The following RNF111 variants were observed in gnomAD, a reference collection of about 807,000 sequenced individuals.
RNF111 encodes ring finger protein 111, also known as E3 ubiquitin-protein ligase Arkadia.
RNF111 carries 17 observed loss-of-function variants against 95.1 expected under a neutral mutation model. The ratio of observed to expected loss-of-function variants is 0.18; its 90% CI spans 0.12 to 0.27. The LOEUF is 0.27. Among genes scored for constraint, RNF111 ranks in the 10% least tolerant of loss-of-function variants. The pLI is 1.00. For synonymous variants in RNF111, 440 were observed against 414.8 expected (o/e 1.06, Z -0.74); for missense variants, 1,189 against 1,210.4 (o/e 0.98, Z 0.26).
At chr15:59,027,415 T>C (rs1008627849) in intron 1 of RNF111, among the ~76,000 whole-genome samples, 2 of 152,220 alleles carry the variant, frequency 1.3e-5, no homozygotes, top group African/African-American at 2.4e-5. Context: ...AGGAGTTTTA[T>C]TGAGATTTTA....
intron 7 of RNF111, among the ~76,000 whole-genome samples, chr15:59,079,858 A>T (rs1381601438): frequency 6.6e-6 from 1 of 152,196 alleles, no homozygotes; most frequent in African/African-American, 2.4e-5. Flanking sequence ...TAGCACAGGA[A>T]TAATGACATG....
chr15:59,027,473 C>A (rs1191697946), intron 1 of RNF111, among the ~76,000 whole-genome samples: 1 of 151,896 alleles, frequency 6.6e-6, no homozygotes, highest in Non-Finnish European at 1.5e-5. Flanking sequence ...GCTGGCACCA[C>A]AATCAGTTGT....
At chr15:59,080,672 A>G (rs1358138968) in intron 7 of RNF111, among the ~76,000 whole-genome samples, 1 of 152,100 alleles carries the variant, frequency 6.6e-6, no homozygotes, top group Admixed American at 6.6e-5. Context: ...GGATTTTGTC[A>G]GTACATTTTG....
chr15:59,016,708 C>T (rs1331321871), intron 1 of RNF111, among the ~76,000 whole-genome samples: 1 of 152,164 alleles, frequency 6.6e-6, no homozygotes, highest in Non-Finnish European at 1.5e-5. Context: ...TTCTGTATAG[C>T]AGGGTTCCCC....
Position 59,095,984 on chromosome 15 carries a change from T to C in RNF111, c.*1084T>C, listed in dbSNP as rs534222109. The C allele has an allele frequency of 2.8e-5, 11 of 398,570 alleles. No homozygotes were observed. In the East Asian group the frequency reaches 3.9e-4, roughly 14 times the overall value. The allele number at this position is 398,570 out of a possible 1,614,324, so 24.7% of individuals were successfully genotyped here. A position where few individuals can be genotyped will look rare whatever the true frequency, so the allele number is the denominator to read the frequency against. On this transcript the variant is annotated 3_prime_UTR_variant, in exon 14 of 14. Coordinates refer to ENST00000348370, the MANE Select transcript of RNF111 (RefSeq NM_017610.8). ...ACATGTCTCTTGTTTTATTTCTCTC[T>C]AAACTTGAAAACAGTAAATCTGCAG...
At chr15:59,058,841 T>G (rs1225761469) in intron 5 of RNF111, among the ~76,000 whole-genome samples, 2 of 152,180 alleles carry the variant, frequency 1.3e-5, no homozygotes, top group Non-Finnish European at 2.9e-5. Flanking sequence ...TAAGTTGGAC[T>G]TCATCAAAAT....
At chr15:58,997,184 T>A (rs1472427727) in intron 1 of RNF111, among the ~76,000 whole-genome samples, 2 of 152,204 alleles carry the variant, frequency 1.3e-5, no homozygotes, top group Non-Finnish European at 2.9e-5. Flanking sequence ...CTTGCCATTC[T>A]TATCTTCCTA....
intron 1 of RNF111, among the ~76,000 whole-genome samples, chr15:59,016,449 T>C (rs1255063471): frequency 4.6e-5 from 7 of 152,186 alleles, no homozygotes; most frequent in African/African-American, 7.2e-5. Flanking sequence ...TGTAATTCTT[T>C]CCATCATCCT....
rs1232456543 is a variant in RNF111, at chr15:59,094,982, C to T, written c.*82C>T. ...GTCAACCAAAGATGGCATGACTTACCTGCGCAGATTTGGAAGCATTGAACT... is the reference window on the plus strand; with the variant it reads ...GTCAACCAAAGATGGCATGACTTACTTGCGCAGATTTGGAAGCATTGAACT... On this transcript the variant is annotated 3_prime_UTR_variant, in exon 14 of 14. Coordinates refer to ENST00000348370, the MANE Select transcript of RNF111 (RefSeq NM_017610.8). The T allele has an allele frequency of 3.5e-6, 3 of 845,242 alleles. No homozygotes were observed. Among genetic ancestry groups the T allele is most frequent in the Non-Finnish European group, 6.2e-6 (3 of 486,806 alleles). The allele number at this position is 845,242 out of a possible 1,614,324, so 52.4% of individuals were successfully genotyped here.
chr15:59,050,330 A>G (rs1219604032), intron 2 of RNF111: 3 of 152,470 alleles, frequency 2.0e-5, no homozygotes, highest in Non-Finnish European at 2.9e-5. Context: ...CATGTTTTCC[A>G]AAAGCCCTAG....
At chr15:59,024,652 A>C (rs1357333646) in intron 1 of RNF111, among the ~76,000 whole-genome samples, 15 of 152,236 alleles carry the variant, frequency 9.9e-5, no homozygotes, top group African/African-American at 3.4e-4. Flanking sequence ...AATGTTTTAT[A>C]ACAATATCTC....
chr15:59,055,826 C>T lies in RNF111; in HGVS notation c.1152C>T (p.Asp384=), dbSNP rs1260970399. 6.2e-7 allele frequency: 1 copy of T among 1,610,568 alleles called. No individual in the cohort carries two copies. Among genetic ancestry groups the T allele is most frequent in the East Asian group, 2.2e-5 (1 of 44,812 alleles). ...PLRQNAAEVV[D]LTVDEDEPTV... ...GGCAGAATGCAGCAGAAGTTGTGGA[C>T]CTTACCGTTGATGAAGATGGTAAAT... is the stretch of plus-strand genomic sequence containing the variant. The change falls in exon 4 of 14, where the codon GAC becomes GAT. Residue 384 remains aspartate (D), a synonymous_variant. Coordinates refer to ENST00000348370, the MANE Select transcript of RNF111 (RefSeq NM_017610.8).
chr15:59,040,972 G>C (rs1412608291), intron 2 of RNF111, among the ~76,000 whole-genome samples: 4 of 151,958 alleles, frequency 2.6e-5, no homozygotes, highest in African/African-American at 9.7e-5. Context: ...TTTAGTTTTG[G>C]TTAACTCTTT....
intron 2 of RNF111, 97 bp from the exon 3 acceptor site, chr15:59,052,208 A>G: frequency 9.2e-7 from 1 of 1,085,762 alleles, no homozygotes; most frequent in Non-Finnish European, 1.3e-6. Flanking sequence ...TTATTTTTGC[A>G]ATGAATTTCA....
At chr15:59,052,267 G>A (rs778833389) in intron 2 of RNF111, 38 bp from the exon 3 acceptor site, 1 of 1,505,658 alleles carries the variant, frequency 6.6e-7, no homozygotes. Flanking sequence ...TTAGCTGACA[G>A]GAAGATGCCT....
At chr15:59,053,286 T>C (rs969750332) in intron 3 of RNF111, among the ~76,000 whole-genome samples, 1 of 152,202 alleles carries the variant, frequency 6.6e-6, no homozygotes, top group Non-Finnish European at 1.5e-5. Flanking sequence ...TATCAACTCC[T>C]AACATTGCAT....
chr15:59,001,169 A>G (rs2039309314), intron 1 of RNF111, among the ~76,000 whole-genome samples: 1 of 152,170 alleles, frequency 6.6e-6, no homozygotes, highest in Non-Finnish European at 1.5e-5. Flanking sequence ...GACTAGCCAT[A>G]GCATGGTTGA....
intron 1 of RNF111, among the ~76,000 whole-genome samples, chr15:59,028,498 T>C (rs1226164971): frequency 1.3e-5 from 2 of 152,158 alleles, no homozygotes; most frequent in Admixed American, 6.5e-5. Context: ...GTGATAAAAC[T>C]TATGTGAATG....
chr15:59,011,785 A>G (rs2039827112), intron 1 of RNF111, among the ~76,000 whole-genome samples: 1 of 152,100 alleles, frequency 6.6e-6, no homozygotes, highest in African/African-American at 2.4e-5. Flanking sequence ...AAATACAGAC[A>G]CATTTTGAAG....
Sources: gnomAD v4.1 joint callset for allele counts (sites outside exome capture counted in the v4.1 genomes callset) on GRCh38, gnomAD v4.1.1 for gene constraint, MANE v1.5 for transcripts, NCBI Gene and HGNC (gene_info 2026-07-23, HGNC 2026-07-21) for gene names.